FBXL17: variants seen among roughly 807,000 people sequenced by gnomAD.
The protein encoded by FBXL17 is F-box and leucine rich repeat protein 17.
In FBXL17, 22 loss-of-function variants were observed where a neutral mutation model predicts 66.2. The observed-to-expected ratio is 0.33, with a 90% CI of 0.24 to 0.47. FBXL17 has a LOEUF of 0.47. Ranked by LOEUF, FBXL17 falls within the 20% of genes least tolerant of loss-of-function variation. The probability of loss-of-function intolerance (pLI) is 1.00; values close to 1 mark genes in which losing one functional copy is unlikely to be tolerated. For missense variants in FBXL17, 878 were observed against 948.2 expected, an observed-to-expected ratio of 0.93 and a Z score of 0.97; for synonymous variants, 474 against 400.5, an observed-to-expected ratio of 1.18 and a Z score of -2.19.
At chr5:107,919,646 C>A (rs1340107570) in intron 7 of FBXL17, among the ~76,000 whole-genome samples, 1 of 152,168 alleles carries the variant, frequency 6.6e-6, no homozygotes, top group African/African-American at 2.4e-5. Flanking sequence ...CTGTCCCATC[C>A]CCCAGATATG....
chr5:108,089,959 C>A (rs1749127733), intron 6 of FBXL17, among the ~76,000 whole-genome samples: 1 of 152,042 alleles, frequency 6.6e-6, no homozygotes, highest in Non-Finnish European at 1.5e-5. Flanking sequence ...TCCCAAGGAG[C>A]TGGGACTGCA....
chr5:108,027,789 C>T (rs543648665), intron 6 of FBXL17, among the ~76,000 whole-genome samples: 4 of 151,910 alleles, frequency 2.6e-5, no homozygotes, highest in East Asian at 1.9e-4. Flanking sequence ...CTAAAGGAAA[C>T]GCTAGAAAAA....
chr5:108,153,720 T>C (rs893837939), intron 6 of FBXL17, among the ~76,000 whole-genome samples: 29 of 152,246 alleles, frequency 1.9e-4, no homozygotes, highest in African/African-American at 6.3e-4. Flanking sequence ...TTCTTGAACA[T>C]GGAGCTTCAT....
intron 6 of FBXL17, among the ~76,000 whole-genome samples, chr5:108,126,669 A>C (rs1417106574): frequency 1.9e-3 from 234 of 121,278 alleles, no homozygotes; most frequent in African/African-American, 3.1e-3. Context: ...ATATACATAT[A>C]TATATATATA....
chr5:107,879,788 G>T, intron 8 of FBXL17: 1 of 985,344 alleles, frequency 1.0e-6, no homozygotes, highest in Non-Finnish European at 1.2e-6. Context: ...GTACAAGATG[G>T]CGGCACTTTC....
intron 8 of FBXL17, among the ~76,000 whole-genome samples, chr5:107,862,454 T>C (rs1748151650): frequency 6.6e-6 from 1 of 152,134 alleles, no homozygotes; most frequent in South Asian, 2.1e-4. Flanking sequence ...AGATACCACC[T>C]TGATTCTTGA....
intron 4 of FBXL17, among the ~76,000 whole-genome samples, chr5:108,228,216 C>T (rs1422617095): frequency 6.6e-6 from 1 of 152,132 alleles, no homozygotes; most frequent in East Asian, 1.9e-4. Context: ...TCTTAGCAGG[C>T]TTGGGTATGT....
chr5:107,879,999 C>T (rs1748732372), intron 8 of FBXL17: 1 of 690,380 alleles, frequency 1.4e-6, no homozygotes, highest in African/African-American at 1.9e-5. Context: ...ATTTCTTAGA[C>T]TTGTTATAGG....
chr5:107,977,293 T>C lies in FBXL17; in HGVS notation c.1822+43632A>G, dbSNP rs181890889. Among the ~76,000 whole-genome samples, 266 of 152,296 alleles carry C rather than the reference T, an allele frequency of 1.7e-3. 2 individuals are homozygous for C. The highest frequency in any genetic ancestry group is 5.8e-3 in the Admixed American group (89 of 15,302). ...TTTATGGGTTTTCATTTATTTTCTT[T>C]GTAATTTTCTGTATTTTCCAAATGA... On this transcript the variant is annotated intron_variant, in intron 7 of 8. Coordinates refer to ENST00000542267, the MANE Select transcript of FBXL17 (RefSeq NM_001163315.3).
chr5:107,925,773 G>A (rs969962257), intron 7 of FBXL17, among the ~76,000 whole-genome samples: 2 of 152,094 alleles, frequency 1.3e-5, no homozygotes, highest in Non-Finnish European at 2.9e-5. Context: ...TCCCCTACCA[G>A]TATGTCCTGA....
At chr5:108,285,780 C>CAT (rs1229471846) in intron 4 of FBXL17, among the ~76,000 whole-genome samples, 5 of 150,822 alleles carry the variant, frequency 3.3e-5, no homozygotes, top group Admixed American at 2.0e-4. Context: ...TTACAATAAC[C>CAT]ATAACATATA....
chr5:108,225,491 C>G (rs1755063292), intron 4 of FBXL17, among the ~76,000 whole-genome samples: 1 of 152,130 alleles, frequency 6.6e-6, no homozygotes, highest in South Asian at 2.1e-4. Context: ...GATGCACACA[C>G]AGGGAGAATG....
chr5:107,941,184 G>C (rs1257069822), intron 7 of FBXL17, among the ~76,000 whole-genome samples: 1 of 151,978 alleles, frequency 6.6e-6, no homozygotes, highest in Non-Finnish European at 1.5e-5. Context: ...TGTTAGCAAG[G>C]TGTGTACCAG....
chr5:107,958,008 C>G (rs117951196), intron 7 of FBXL17, among the ~76,000 whole-genome samples: 1 of 151,924 alleles, frequency 6.6e-6, no homozygotes, highest in Admixed American at 6.6e-5. Context: ...AGTAATACAT[C>G]GTTAATTGTT....
intron 7 of FBXL17, among the ~76,000 whole-genome samples, chr5:107,981,543 C>T (rs972651117): frequency 2.0e-5 from 3 of 152,172 alleles, no homozygotes; most frequent in South Asian, 2.1e-4. Context: ...GAAGGACTGA[C>T]GAGGTCATCA....
At chr5:107,963,689 GTTA>G (rs1752008559) in intron 7 of FBXL17, among the ~76,000 whole-genome samples, 1 of 152,070 alleles carries the variant, frequency 6.6e-6, no homozygotes, top group Admixed American at 6.6e-5. Flanking sequence ...CACAGTAGAT[GTTA>G]TTATTATCAT....
intron 6 of FBXL17, among the ~76,000 whole-genome samples, chr5:108,055,299 A>AAAAC (rs1747650065): frequency 2.8e-5 from 1 of 35,416 alleles, no homozygotes; most frequent in African/African-American, 1.1e-4. Flanking sequence ...AAAAAAAAAA[A>AAAAC]AAAAAAAAAA....
At chr5:108,055,774 G>A (rs1316386392) in intron 6 of FBXL17, among the ~76,000 whole-genome samples, 3 of 151,858 alleles carry the variant, frequency 2.0e-5, no homozygotes, top group African/African-American at 7.2e-5. Context: ...TTCTTCACCT[G>A]GAGAAATAAA....
At chr5:107,876,944 T>C (rs1158755455) in intron 8 of FBXL17, among the ~76,000 whole-genome samples, 2 of 152,182 alleles carry the variant, frequency 1.3e-5, no homozygotes, top group African/African-American at 2.4e-5. Context: ...AATCACCAGA[T>C]AAATGTGAGT....
Sources: gnomAD v4.1 joint callset for allele counts (sites outside exome capture counted in the v4.1 genomes callset) on GRCh38, gnomAD v4.1.1 for gene constraint, MANE v1.5 for transcripts, NCBI Gene and HGNC (gene_info 2026-07-23, HGNC 2026-07-21) for gene names.